GNA14: variants seen among roughly 807,000 people sequenced by gnomAD.
GNA14 encodes the protein G protein subunit alpha 14, also known as guanine nucleotide-binding protein subunit alpha-14.
In GNA14, 50 loss-of-function variants were observed where a neutral mutation model predicts 42.0. The ratio of observed to expected loss-of-function variants is 1.19; its 90% CI spans 0.95 to 1.51. The LOEUF is 1.51. GNA14 is among the 40% of genes most tolerant of loss of function. The pLI is 0.00. For synonymous variants in GNA14, 173 were observed against 163.1 expected (o/e 1.06, Z -0.46); for missense variants, 473 against 446.2 (o/e 1.06, Z -0.54).
chr9:77,591,318 T>C (rs1823387597), intron 1 of GNA14, among the ~76,000 whole-genome samples: 1 of 152,242 alleles, frequency 6.6e-6, no homozygotes, highest in South Asian at 2.1e-4. Context: ...GGCTCCATCC[T>C]TGTCCACAAA....
intron 1 of GNA14, among the ~76,000 whole-genome samples, chr9:77,585,409 C>A (rs1296924190): frequency 1.3e-5 from 2 of 152,092 alleles, no homozygotes; most frequent in Non-Finnish European, 2.9e-5. Flanking sequence ...CTCTCGGTAC[C>A]AGGAAGAGAA....
At chr9:77,629,515 TGTG>T (rs1824061841) in intron 1 of GNA14, among the ~76,000 whole-genome samples, 1 of 152,000 alleles carries the variant, frequency 6.6e-6, no homozygotes, top group Non-Finnish European at 1.5e-5. Context: ...ATAAAGAAAA[TGTG>T]GTACATATAC....
chr9:77,636,406 C>T (rs535391041), intron 1 of GNA14, among the ~76,000 whole-genome samples: 2 of 152,264 alleles, frequency 1.3e-5, no homozygotes, highest in South Asian at 4.1e-4. Flanking sequence ...AAAAAGCAAA[C>T]TTGACAACAG....
intron 2 of GNA14, among the ~76,000 whole-genome samples, chr9:77,499,193 CA>C (rs1836924934): frequency 6.8e-6 from 1 of 147,884 alleles, no homozygotes; most frequent in Non-Finnish European, 1.5e-5. Flanking sequence ...GCACCCCCTT[CA>C]AACCACTGTT....
chr9:77,471,586 G>A (rs1473571494), intron 2 of GNA14, among the ~76,000 whole-genome samples: 3 of 152,212 alleles, frequency 2.0e-5, no homozygotes, highest in Non-Finnish European at 4.4e-5. Context: ...AGAGCAATCT[G>A]AGCAGGGACA....
rs571802702 is a variant in GNA14, at chr9:77,512,621, G to T, written c.309+16448C>A. 1.6e-4 allele frequency among the ~76,000 whole-genome samples: 25 copies of T among 152,154 alleles called. No homozygotes were observed. The South Asian group carries it at 5.2e-3, about 32-fold the overall frequency. On this transcript the variant is annotated intron_variant, in intron 2 of 6. Coordinates refer to ENST00000341700, the MANE Select transcript of GNA14 (RefSeq NM_004297.4). ...ACTATTTATGTATTCTTTATCAAAG[G>T]TATCTCATACACACACAAAGGGATA...
chr9:77,562,173 T>C (rs1822892999), intron 1 of GNA14, among the ~76,000 whole-genome samples: 1 of 152,194 alleles, frequency 6.6e-6, no homozygotes, highest in South Asian at 2.1e-4. Flanking sequence ...TCATGGAAAT[T>C]ATATGAGTCA....
intron 1 of GNA14, among the ~76,000 whole-genome samples, chr9:77,576,389 A>C (rs1261465565): frequency 2.0e-5 from 3 of 152,240 alleles, no homozygotes; most frequent in Admixed American, 1.3e-4. Flanking sequence ...AAATTTTTAC[A>C]TCCCATCTAA....
chr9:77,431,267 G>A, intron 4 of GNA14, 54 bp downstream of exon 4: 1 of 1,548,610 alleles, frequency 6.5e-7, no homozygotes, highest in Non-Finnish European at 8.9e-7. Context: ...AATCCACCTG[G>A]GGACTTCCAA....
intron 1 of GNA14, among the ~76,000 whole-genome samples, chr9:77,603,973 A>C (rs1161157716): frequency 2.0e-5 from 3 of 150,450 alleles, no homozygotes; most frequent in African/African-American, 4.9e-5. Flanking sequence ...AAAAAAAAAA[A>C]AAAAAAAACA....
chr9:77,626,973 T>C (rs909237337), intron 1 of GNA14, among the ~76,000 whole-genome samples: 1 of 151,842 alleles, frequency 6.6e-6, no homozygotes, highest in Non-Finnish European at 1.5e-5. Flanking sequence ...ATTAACAAAA[T>C]AGATAGACCA....
intron 2 of GNA14, among the ~76,000 whole-genome samples, chr9:77,463,886 CCT>C (rs1246842837): frequency 6.6e-6 from 1 of 152,010 alleles, no homozygotes; most frequent in Non-Finnish European, 1.5e-5. Flanking sequence ...TGTATGGATT[CCT>C]CTCTCTTATG....
At chr9:77,647,554 A>G in intron 1 of GNA14, 116 bp downstream of exon 1, 2 of 1,188,044 alleles carry the variant, frequency 1.7e-6, no homozygotes, top group Non-Finnish European at 2.3e-6. Context: ...GGGGAGAAGG[A>G]CGAAGCCGCC....
chr9:77,573,021 G>C (rs1468043750), intron 1 of GNA14, among the ~76,000 whole-genome samples: 1 of 152,170 alleles, frequency 6.6e-6, no homozygotes, highest in Non-Finnish European at 1.5e-5. Flanking sequence ...CAGCTAAAAT[G>C]AGATTATAGG....
chr9:77,547,182 GAAC>G (rs1372017584), intron 1 of GNA14, among the ~76,000 whole-genome samples: 1 of 152,090 alleles, frequency 6.6e-6, no homozygotes, highest in Non-Finnish European at 1.5e-5. Context: ...TAAAACCAGC[GAAC>G]AACATAACCC....
intron 1 of GNA14, among the ~76,000 whole-genome samples, chr9:77,567,574 A>G (rs780807186): frequency 2.6e-5 from 4 of 152,130 alleles, no homozygotes; most frequent in African/African-American, 7.2e-5. Flanking sequence ...TTTCCAGGGT[A>G]AAGATATTCC....
rs978137068 is a variant in GNA14 at position 77,552,325 on chromosome 9, A to C, written c.125-23072T>G. Among the ~76,000 whole-genome samples, 5 of 152,118 alleles carry C rather than the reference A, an allele frequency of 3.3e-5. No homozygotes were observed. The East Asian group carries it at 9.7e-4, about 29-fold the overall frequency. On this transcript the variant is annotated intron_variant, in intron 1 of 6. Transcript: ENST00000341700. The stretch of plus-strand genomic sequence containing the variant: ...CTTTGAGAGGCTGAGAGATGAACAA[A>C]TCTGAGAAAATAATCTGGAAATGAA...
chr9:77,605,019 G>A (rs1017960864), intron 1 of GNA14, among the ~76,000 whole-genome samples: 8 of 152,152 alleles, frequency 5.3e-5, no homozygotes, highest in East Asian at 1.9e-4. Flanking sequence ...ATTTACCTCC[G>A]AATAGCAGAC....
intron 1 of GNA14, among the ~76,000 whole-genome samples, chr9:77,529,881 A>G (rs1837502943): frequency 6.6e-6 from 1 of 152,216 alleles, no homozygotes; most frequent in African/African-American, 2.4e-5. Context: ...TATGTGAAAA[A>G]TGACATCAAA....
Sources: allele counts gnomAD v4.1 joint callset (sites outside exome capture counted in the v4.1 genomes callset), GRCh38; gene constraint gnomAD v4.1.1; transcripts MANE v1.5; gene names NCBI Gene and HGNC (gene_info 2026-07-23, HGNC 2026-07-21).